The following LIX1 variants were observed in gnomAD, a reference collection of about 807,000 sequenced individuals.
LIX1 encodes limb and CNS expressed 1, also known as protein limb expression 1 homolog.
In LIX1, 24 loss-of-function variants were observed where a neutral mutation model predicts 33.4. The ratio of observed to expected loss-of-function variants is 0.72; its 90% confidence interval spans 0.52 to 1.01. The LOEUF (loss-of-function observed/expected upper bound fraction) is 1.01, where lower values mean the gene tolerates loss of function less well. Ranked by LOEUF, LIX1 falls within the 50% of genes least tolerant of loss-of-function variation. The pLI, the probability that LIX1 is intolerant of heterozygous loss-of-function variation, is 0.00. For synonymous variants in LIX1, 124 were observed against 124.0 expected, an observed-to-expected ratio of 1.00 and a Z score of 0.00; for missense variants, 311 against 339.2, an observed-to-expected ratio of 0.92 and a Z score of 0.65.
chr5:97,094,728 G>A lies in LIX1; in HGVS notation c.*20C>T. On this transcript the variant is annotated 3_prime_UTR_variant, in exon 6 of 6. Transcript: ENST00000274382. ...AATCTGGCCTCTGCCATCACTGAGG[G>A]TACCCGGGGCTTGGCCTTGCTAGTG... The A allele has an allele frequency of 6.2e-7, 1 of 1,608,846 alleles. No individual in the cohort carries two copies. Among genetic ancestry groups the A allele is most frequent in the Non-Finnish European group, 8.5e-7 (1 of 1,176,650 alleles).
chr5:97,097,577 G>A (rs977048983), intron 4 of LIX1, among the ~76,000 whole-genome samples: 1 of 152,136 alleles, frequency 6.6e-6, no homozygotes, highest in African/African-American at 2.4e-5. Context: ...GGAGTAGGAG[G>A]GAGACCTTCT....
chr5:97,140,463 C>A (rs991888428), intron 1 of LIX1, among the ~76,000 whole-genome samples: 2 of 152,154 alleles, frequency 1.3e-5, no homozygotes, highest in Non-Finnish European at 1.5e-5. Flanking sequence ...CTGCTCAGAA[C>A]CTGCCATTCA....
At chr5:97,113,075 C>T (rs1747493407) in intron 2 of LIX1, among the ~76,000 whole-genome samples, 1 of 152,162 alleles carries the variant, frequency 6.6e-6, no homozygotes, top group South Asian at 2.1e-4. Context: ...AGAAGTGGAA[C>T]CAAGAGGAAA....
intron 1 of LIX1, among the ~76,000 whole-genome samples, chr5:97,127,025 C>T (rs1393533215): frequency 6.6e-6 from 1 of 152,182 alleles, no homozygotes; most frequent in East Asian, 1.9e-4. Flanking sequence ...CCCTACTCTC[C>T]TCCTTTCCCT....
intron 2 of LIX1, among the ~76,000 whole-genome samples, chr5:97,108,098 C>T (rs534411347): frequency 3.8e-4 from 58 of 152,296 alleles, no homozygotes; most frequent in African/African-American, 1.3e-3. Flanking sequence ...AAATACCTGG[C>T]ACACAGTAGC....
intron 4 of LIX1, among the ~76,000 whole-genome samples, chr5:97,097,660 C>G (rs1021215870): frequency 6.6e-6 from 1 of 152,116 alleles, no homozygotes; most frequent in Non-Finnish European, 1.5e-5. Context: ...CCATTTAACT[C>G]TAAAAATTTT....
At chr5:97,114,684 G>T (rs920248242) in intron 2 of LIX1, among the ~76,000 whole-genome samples, 12 of 152,154 alleles carry the variant, frequency 7.9e-5, no homozygotes, top group Admixed American at 6.5e-5. Context: ...TCTGACATGT[G>T]GACCCAGGAC....
intron 2 of LIX1, among the ~76,000 whole-genome samples, chr5:97,108,682 AG>A (rs1304070950): frequency 6.6e-6 from 1 of 151,698 alleles, no homozygotes; most frequent in Non-Finnish European, 1.5e-5. Context: ...AGAGAAGTCC[AG>A]GCCTGGGTCC....
intron 1 of LIX1, among the ~76,000 whole-genome samples, chr5:97,140,519 C>A (rs1321316998): frequency 1.3e-5 from 2 of 152,160 alleles, no homozygotes; most frequent in South Asian, 2.1e-4. Context: ...AGTGTGGTGG[C>A]AGCAACTTAT....
intron 4 of LIX1, among the ~76,000 whole-genome samples, chr5:97,100,133 G>A (rs1746616044): frequency 6.6e-6 from 1 of 152,054 alleles, no homozygotes; most frequent in Non-Finnish European, 1.5e-5. Flanking sequence ...GCCCCATAAG[G>A]GACTATCATT....
At chr5:97,116,271 T>C (rs1747633531) in intron 2 of LIX1, among the ~76,000 whole-genome samples, 1 of 152,218 alleles carries the variant, frequency 6.6e-6, no homozygotes, top group Non-Finnish European at 1.5e-5. Flanking sequence ...ATTGTGGATA[T>C]ATTAACATTT....
intron 1 of LIX1, among the ~76,000 whole-genome samples, chr5:97,126,833 G>T (rs1747939837): frequency 6.6e-6 from 1 of 151,634 alleles, no homozygotes; most frequent in African/African-American, 2.4e-5. Context: ...GTAGAGACAG[G>T]GTTTCACTGT....
At chr5:97,141,557 C>T (rs181102961) in intron 1 of LIX1, among the ~76,000 whole-genome samples, 173 of 152,236 alleles carry the variant, frequency 1.1e-3, no homozygotes, top group Non-Finnish European at 2.1e-3. Context: ...TGGAATGGAA[C>T]GTTATTCAGC....
chr5:97,134,419 A>T (rs12520374), intron 1 of LIX1, among the ~76,000 whole-genome samples: 2 of 152,040 alleles, frequency 1.3e-5, no homozygotes, highest in Middle Eastern at 3.2e-3. Flanking sequence ...CGTGCCCGGC[A>T]GCCATATTTC....
At chr5:97,131,670 C>T (rs1748059525) in intron 1 of LIX1, among the ~76,000 whole-genome samples, 1 of 152,224 alleles carries the variant, frequency 6.6e-6, no homozygotes, top group Non-Finnish European at 1.5e-5. Flanking sequence ...GTATCCAGCA[C>T]AGGCTGGATA....
Position 97,099,237 on chromosome 5 carries a change from C to T in LIX1, c.484-2350G>A, listed in dbSNP as rs183721788. Among the ~76,000 whole-genome samples, 431 of 152,248 alleles carry T rather than the reference C, an allele frequency of 2.8e-3. 1 individual carries two copies. The highest frequency in any genetic ancestry group is 7.4e-3 in the African/African-American group (306 of 41,538). ...TTTGAAAAAGTGGGAGTGCTTTGTTCGAGAAACCAAATCTCGTCCAATCTG... is the reference window on the plus strand; with the variant it reads ...TTTGAAAAAGTGGGAGTGCTTTGTTTGAGAAACCAAATCTCGTCCAATCTG... On this transcript the variant is annotated intron_variant, in intron 4 of 5. Coordinates refer to ENST00000274382, the MANE Select transcript of LIX1 (RefSeq NM_153234.5).
chr5:97,097,011 C>T (rs1746415006), intron 4 of LIX1, 124 bp from the exon 5 acceptor site: 2 of 755,104 alleles, frequency 2.6e-6, no homozygotes, highest in East Asian at 5.3e-5. Flanking sequence ...TGTCACAACA[C>T]TTTGGGACTT....
At chr5:97,105,984 A>T (rs1024151799) in intron 3 of LIX1, among the ~76,000 whole-genome samples, 1 of 152,246 alleles carries the variant, frequency 6.6e-6, no homozygotes, top group African/African-American at 2.4e-5. Flanking sequence ...GAGATGGAAC[A>T]AACAAGTGCC....
At chr5:97,128,312 T>C in intron 1 of LIX1, among the ~76,000 whole-genome samples, 1 of 152,246 alleles carries the variant, frequency 6.6e-6, no homozygotes, top group East Asian at 1.9e-4. Context: ...CTGATAACTT[T>C]CTTCTAGAAA....
Sources: gnomAD v4.1 joint callset for allele counts (sites outside exome capture counted in the v4.1 genomes callset) on GRCh38, gnomAD v4.1.1 for gene constraint, MANE v1.5 for transcripts, NCBI Gene and HGNC (gene_info 2026-07-23, HGNC 2026-07-21) for gene names.